DENND1A: variants seen among roughly 807,000 people sequenced by gnomAD.
DENND1A encodes DENN domain-containing protein 1A.
In DENND1A, 51 loss-of-function variants were observed where a neutral mutation model predicts 113.7. That is an observed-to-expected ratio of 0.45 (90% confidence interval 0.36 to 0.57). DENND1A has a LOEUF of 0.57. Among genes scored for constraint, DENND1A ranks in the 20% least tolerant of loss-of-function variants. DENND1A has a pLI of 0.00. For missense variants in DENND1A, 1,258 were observed against 1,395.9 expected (o/e 0.90, Z 1.57); for synonymous variants, 565 against 570.8 (o/e 0.99, Z 0.14).
At chr9:123,755,828 T>C (rs1165832908) in intron 5 of DENND1A, among the ~76,000 whole-genome samples, 1 of 152,216 alleles carries the variant, frequency 6.6e-6, no homozygotes, top group Non-Finnish European at 1.5e-5. Flanking sequence ...CATACAAATA[T>C]GTGTTAGTCA....
At chr9:123,660,457 A>T (rs2063175745) in intron 8 of DENND1A, among the ~76,000 whole-genome samples, 1 of 92,320 alleles carries the variant, frequency 1.1e-5, no homozygotes, top group Non-Finnish European at 2.7e-5. Context: ...AGAAGACTTA[A>T]AAAAAAAAAC....
At chr9:123,884,997 GCACACACACACACA>G (rs57555620) in intron 1 of DENND1A, among the ~76,000 whole-genome samples, 1 of 145,834 alleles carries the variant, frequency 6.9e-6, no homozygotes, top group Admixed American at 6.9e-5. Flanking sequence ...GAGCGCGCGC[GCACACACACACACA>G]CACACACACA....
chr9:123,726,612 C>T (rs2067726960), intron 5 of DENND1A, among the ~76,000 whole-genome samples: 1 of 152,022 alleles, frequency 6.6e-6, no homozygotes, highest in Admixed American at 6.6e-5. Flanking sequence ...ACACAAGCAC[C>T]CACAATAGGT....
intron 9 of DENND1A, among the ~76,000 whole-genome samples, chr9:123,646,861 C>T (rs975095445): frequency 9.2e-5 from 14 of 152,052 alleles, no homozygotes; most frequent in African/African-American, 2.7e-4. Flanking sequence ...AGAGGACAGA[C>T]GGTTCATCCA....
chr9:123,564,089 A>G (rs537354913), intron 12 of DENND1A, among the ~76,000 whole-genome samples: 5 of 152,190 alleles, frequency 3.3e-5, no homozygotes, highest in Non-Finnish European at 5.9e-5. Flanking sequence ...CAAATCGGCT[A>G]CAAGTTAGCT....
At chr9:123,700,531 C>T (rs1280656449) in intron 5 of DENND1A, among the ~76,000 whole-genome samples, 2 of 152,098 alleles carry the variant, frequency 1.3e-5, no homozygotes, top group African/African-American at 2.4e-5. Flanking sequence ...GTAGGGCAGG[C>T]CAGCAAGCTG....
intron 5 of DENND1A, among the ~76,000 whole-genome samples, chr9:123,690,755 G>A (rs1476042255): frequency 2.0e-5 from 3 of 152,222 alleles, no homozygotes; most frequent in African/African-American, 7.2e-5. Flanking sequence ...CTTGCCGAAG[G>A]GCTAGGGAGG....
intron 13 of DENND1A, among the ~76,000 whole-genome samples, chr9:123,535,512 C>A (rs2055683828): frequency 6.6e-6 from 1 of 152,236 alleles, no homozygotes; most frequent in Non-Finnish European, 1.5e-5. Context: ...CTGGCCCCTG[C>A]CTCTCTCGGC....
intron 8 of DENND1A, among the ~76,000 whole-genome samples, chr9:123,661,104 G>T (rs1260547307): frequency 6.6e-6 from 1 of 152,216 alleles, no homozygotes; most frequent in South Asian, 2.1e-4. Flanking sequence ...ACAGCACCGA[G>T]CATTCAGCCC....
intron 1 of DENND1A, among the ~76,000 whole-genome samples, chr9:123,929,420 A>C (rs1176134663): frequency 6.6e-6 from 1 of 152,152 alleles, no homozygotes; most frequent in African/African-American, 2.4e-5. Context: ...CCACACCATG[A>C]GCGGCCCCTC....
chr9:123,617,679 G>A (rs1250693845), intron 10 of DENND1A, among the ~76,000 whole-genome samples: 2 of 152,240 alleles, frequency 1.3e-5, no homozygotes, highest in East Asian at 3.8e-4. Context: ...GAAGGGCTCC[G>A]TGGCTAAGAC....
At chr9:123,754,419 T>C (rs911918232) in intron 5 of DENND1A, among the ~76,000 whole-genome samples, 4 of 152,204 alleles carry the variant, frequency 2.6e-5, no homozygotes, top group Admixed American at 2.6e-4. Flanking sequence ...CTGGAAAAGA[T>C]AGCTTCTCTA....
chr9:123,613,644 G>A (rs754983832), intron 10 of DENND1A, among the ~76,000 whole-genome samples: 9 of 152,190 alleles, frequency 5.9e-5, no homozygotes, highest in Non-Finnish European at 5.9e-5. Context: ...GTGCAATTTT[G>A]AAGACATTTT....
chr9:123,731,468 C>T (rs1415682530), intron 5 of DENND1A, among the ~76,000 whole-genome samples: 1 of 152,148 alleles, frequency 6.6e-6, no homozygotes, highest in African/African-American at 2.4e-5. Context: ...AAAAGATGGT[C>T]TTTTCAACAA....
intron 2 of DENND1A, among the ~76,000 whole-genome samples, chr9:123,828,690 T>C (rs1352720815): frequency 6.7e-6 from 1 of 149,280 alleles, no homozygotes; most frequent in Admixed American, 6.6e-5. Flanking sequence ...CCATAAGACT[T>C]ACAGATGACT....
At chr9:123,532,214 C>T (rs1464890931) in intron 13 of DENND1A, among the ~76,000 whole-genome samples, 1 of 152,192 alleles carries the variant, frequency 6.6e-6, no homozygotes, top group African/African-American at 2.4e-5. Flanking sequence ...AACAAACTGA[C>T]TATATTTCCT....
At chr9:123,505,331 T>C (rs914497255) in intron 13 of DENND1A, among the ~76,000 whole-genome samples, 1 of 152,236 alleles carries the variant, frequency 6.6e-6, no homozygotes, top group African/African-American at 2.4e-5. Flanking sequence ...AGATATACCT[T>C]GGAGAAGATA....
intron 13 of DENND1A, among the ~76,000 whole-genome samples, chr9:123,487,041 A>T (rs1160018823): frequency 6.6e-6 from 1 of 152,098 alleles, no homozygotes; most frequent in Admixed American, 6.5e-5. Context: ...GTTGAGAGGG[A>T]CTCACTTCAA....
intron 21 of DENND1A, 70 bp from the exon 22 acceptor site, chr9:123,387,928 C>G (rs761763535): frequency 1.6e-6 from 2 of 1,261,814 alleles, no homozygotes; most frequent in Non-Finnish European, 2.1e-6. Flanking sequence ...CACGTGCAGG[C>G]GGGAAGCAGG....
Sources: gnomAD v4.1 joint callset for allele counts (sites outside exome capture counted in the v4.1 genomes callset) on GRCh38, gnomAD v4.1.1 for gene constraint, MANE v1.5 for transcripts, NCBI Gene and HGNC (gene_info 2026-07-23, HGNC 2026-07-21) for gene names.